The following FIGNL2 variants were observed in gnomAD, a reference collection of about 807,000 sequenced individuals.
FIGNL2 encodes the protein fidgetin-like protein 2.
For missense variants in FIGNL2, 1,060 were observed against 950.2 expected (o/e 1.12, Z -1.52); for synonymous variants, 565 against 484.0 (o/e 1.17, Z -2.20).
At chr12:51,828,061 C>G (rs2138982276) in intron 1 of FIGNL2, among the ~76,000 whole-genome samples, 1 of 152,314 alleles carries the variant, frequency 6.6e-6, no homozygotes, top group Non-Finnish European at 1.5e-5. Flanking sequence ...TCATTCCACG[C>G]TGCACACCTA....
At position 51,820,212 on chromosome 12, in the gene FIGNL2, C is replaced by T. The variant is rs551959785; in HGVS notation, c.*240G>A. 5.7e-4 allele frequency: 306 copies of T among 535,590 alleles called. 4 individuals carry two copies. The South Asian group carries it at 5.7e-3, about 10-fold the overall frequency. 33.2% of individuals were successfully genotyped at this position (535,590 alleles called of 1,614,324 possible). A position where few individuals can be genotyped will look rare whatever the true frequency, so the allele number is the denominator to read the frequency against. ...TGCCCGGTCTGCCGGGCGGAGATGG[C>T]GAGCTTCCAGTCCACAATAAATAGG... On this transcript the variant is annotated 3_prime_UTR_variant, in exon 2 of 2. Transcript: ENST00000618634.
chr12:51,847,633 C>A, intron 1 of FIGNL2: 6 of 985,352 alleles, frequency 6.1e-6, no homozygotes, highest in Non-Finnish European at 7.2e-6. Flanking sequence ...GCGCTCTCTG[C>A]CCCGCGCAGA....
chr12:51,840,327 G>A (rs1939639794), intron 1 of FIGNL2, among the ~76,000 whole-genome samples: 1 of 152,244 alleles, frequency 6.6e-6, no homozygotes, highest in African/African-American at 2.4e-5. Context: ...GATGAGGCCA[G>A]AGCTCTTCAC....
chr12:51,821,385 C>A lies in FIGNL2; in HGVS notation c.1029G>T (p.Glu343Asp), dbSNP rs371771212. ...CCCGCTCCGGGAACTTTTCAAAGGG[C>A]TCCAGTTGCGGGCCGTAGACGGGGG... ...LGSPVYGPQLEPFEKFPERAP... is the reference protein window; with the variant it reads ...LGSPVYGPQLDPFEKFPERAP... The change falls in exon 2 of 2, where the codon GAG (glutamate) becomes GAT (aspartate). Residue 343 changes from glutamate to aspartate, a missense_variant. Coordinates refer to ENST00000618634, the MANE Select transcript of FIGNL2 (RefSeq NM_001384995.1). 3 of 1,517,926 alleles carry A rather than the reference C, an allele frequency of 2.0e-6. No individual in the cohort carries two copies. The highest frequency in any genetic ancestry group is 2.6e-6 in the Non-Finnish European group (3 of 1,135,438). The allele number at this position is 1,517,926 out of a possible 1,614,324, so 94.0% of individuals were successfully genotyped here.
chr12:51,823,954 G>C (rs551051753), intron 1 of FIGNL2, among the ~76,000 whole-genome samples: 1 of 150,912 alleles, frequency 6.6e-6, no homozygotes, highest in Admixed American at 6.6e-5. Context: ...TGGTGCCTTT[G>C]CTGGACCATG....
At chr12:51,841,820 A>G (rs1939666056) in intron 1 of FIGNL2, 1 of 152,240 alleles carries the variant, frequency 6.6e-6, no homozygotes, top group Non-Finnish European at 1.5e-5. Context: ...TGAAGACCAG[A>G]TCTCTGCACG....
At chr12:51,837,593 C>G (rs1353471417) in intron 1 of FIGNL2, among the ~76,000 whole-genome samples, 1 of 152,186 alleles carries the variant, frequency 6.6e-6, no homozygotes, top group African/African-American at 2.4e-5. Context: ...ACTTTTCCAG[C>G]TCTCCTCTCC....
Position 51,834,202 on chromosome 12 carries a change from A to C in FIGNL2, c.-11-11778T>G, listed in dbSNP as rs193267786. 2.7e-5 allele frequency among the ~76,000 whole-genome samples: 4 copies of C among 148,394 alleles called. No individual in the cohort carries two copies. The East Asian group carries it at 7.9e-4, about 29-fold the overall frequency. ...ATAAAGAAAGCAATCAGGGTGACTA[A>C]ATTTGAGTGTACATGTGATGGTGAG... On this transcript the variant is annotated intron_variant, in intron 1 of 1. Coordinates refer to ENST00000618634, the MANE Select transcript of FIGNL2 (RefSeq NM_001384995.1).
chr12:51,821,286 C>T lies in FIGNL2; in HGVS notation c.1128G>A (p.Glu376=), dbSNP rs1939180546. 6 of 1,524,090 alleles carry T rather than the reference C, an allele frequency of 3.9e-6. No individual in the cohort carries two copies. Among genetic ancestry groups the T allele is most frequent in the Non-Finnish European group, 5.3e-6 (6 of 1,141,500 alleles). 94.4% of individuals were successfully genotyped at this position (1,524,090 alleles called of 1,614,324 possible). A position where few individuals can be genotyped will look rare whatever the true frequency, so the allele number is the denominator to read the frequency against. ...TPKGVDPGAL[E]LVTSKMVDCG... ...AGTCCACCATCTTGCTCGTCACCAG[C>T]TCCAGGGCCCCAGGGTCCACGCCTT... Residue 376 remains glutamate (E), a synonymous_variant, in exon 2 of 2, where the codon GAG becomes GAA. Transcript: ENST00000618634.
rs1939209694 is a variant in FIGNL2, at chr12:51,821,810, G to C, written c.604C>G (p.Leu202Val). Reference sequence around the variant, plus strand: ...TAGCCCCCTGCGGGATAGTTGTACAGCGGCGCTGAGGGCCCGTACCCCGGA... The same window carrying C: ...TAGCCCCCTGCGGGATAGTTGTACACCGGCGCTGAGGGCCCGTACCCCGGA... ...PPPGYGPSAP[L>V]YNYPAGGYAA... Residue 202 changes from leucine (L) to valine (V), a missense_variant, in exon 2 of 2, where the codon CTG (leucine) becomes GTG (valine). Transcript: ENST00000618634. 14 of 1,275,334 alleles carry C rather than the reference G, an allele frequency of 1.1e-5. No individual in the cohort carries two copies. Among genetic ancestry groups the C allele is most frequent in the Non-Finnish European group, 1.4e-5 (14 of 1,016,160 alleles). The allele number at this position is 1,275,334 out of a possible 1,614,324, so 79.0% of individuals were successfully genotyped here. A position where few individuals can be genotyped will look rare whatever the true frequency, so the allele number is the denominator to read the frequency against.
chr12:51,848,409 C>T (rs551276921), intron 1 of FIGNL2, 131 bp downstream of exon 1: 10,994 of 983,782 alleles, frequency 0.011, 64 homozygotes, highest in Non-Finnish European at 0.012. Flanking sequence ...CCCCGCCGAG[C>T]TGAACCCCGC....
intron 1 of FIGNL2, chr12:51,848,196 T>C: frequency 1.0e-6 from 1 of 983,972 alleles, no homozygotes; most frequent in Non-Finnish European, 1.2e-6. Flanking sequence ...CCCGCAAACC[T>C]TGGCTCCCCA....
At chr12:51,822,556 C>G in intron 1 of FIGNL2, 132 bp from the exon 2 acceptor site, 1 of 971,420 alleles carries the variant, frequency 1.0e-6, no homozygotes, top group Non-Finnish European at 1.6e-6. Flanking sequence ...CACCTACCGC[C>G]CCACTCTCTT....
chr12:51,821,212 T>C lies in FIGNL2; in HGVS notation c.1202A>G (p.Lys401Arg). The C allele has an allele frequency of 6.6e-7, 1 of 1,520,866 alleles. No homozygotes were observed. Among genetic ancestry groups the C allele is most frequent in the East Asian group, 2.6e-5 (1 of 38,558 alleles). 94.2% of individuals were successfully genotyped at this position (1,520,866 alleles called of 1,614,324 possible). ...WADVAGQGAL[K>R]AALEEELVWP... ...CACCAGCTCCTCCTCCAGCGCCGCC[T>C]TGAGCGCGCCCTGGCCCGCCACATC... The change falls in exon 2 of 2, where the codon AAG (lysine) becomes AGG (arginine). Residue 401 changes from lysine (K) to arginine (R), a missense_variant. Transcript: ENST00000618634.
chr12:51,830,912 G>C (rs1330785497), intron 1 of FIGNL2, among the ~76,000 whole-genome samples: 1 of 152,172 alleles, frequency 6.6e-6, no homozygotes, highest in Non-Finnish European at 1.5e-5. Context: ...CTCCTTAGCA[G>C]TTGGGACCAC....
rs769092978 is a variant in FIGNL2, at chr12:51,820,876, G to T, written c.1538C>A (p.Pro513Gln). The T allele has an allele frequency of 3.6e-6, 5 of 1,375,406 alleles. No individual in the cohort carries two copies. In the African/African-American group the frequency reaches 6.1e-5, roughly 17 times the overall value. 85.2% of individuals were successfully genotyped at this position (1,375,406 alleles called of 1,614,324 possible). A position where few individuals can be genotyped will look rare whatever the true frequency, so the allele number is the denominator to read the frequency against. The change falls in exon 2 of 2, where the codon CCG becomes CAG. Residue 513 changes from proline to glutamine, a missense_variant. Transcript: ENST00000618634. Reference protein sequence around the residue: ...GAAAGGALQVPLLACLDGGCG... With the variant: ...GAAAGGALQVQLLACLDGGCG... The stretch of plus-strand genomic sequence containing the variant: ...GCCCCCGTCCAGGCAGGCCAGGAGC[G>T]GCACCTGCAGCGCGCCCCCTGCCGC...
In FIGNL2 at chr12:51,820,659, C is replaced by T. The variant is rs1327617740; in HGVS notation, c.1755G>A (p.Ala585=). ...GCALSERELA[A]LVQGTQGFSG... is the part of the protein sequence containing the mutation. ...AGAAGCCCTGCGTGCCCTGCACCAG[C>T]GCCGCCAGTTCCCGCTCACTGAGCG... The change falls in exon 2 of 2, where the codon GCG becomes GCA. Residue 585 remains alanine (A), a synonymous_variant. Transcript: ENST00000618634. The T allele has an allele frequency of 6.6e-7, 1 of 1,515,974 alleles. No individual in the cohort carries two copies. 93.9% of individuals were successfully genotyped at this position (1,515,974 alleles called of 1,614,324 possible). A position where few individuals can be genotyped will look rare whatever the true frequency, so the allele number is the denominator to read the frequency against.
chr12:51,826,868 G>A (rs750863980), intron 1 of FIGNL2, among the ~76,000 whole-genome samples: 1 of 151,340 alleles, frequency 6.6e-6, no homozygotes, highest in African/African-American at 2.5e-5. Flanking sequence ...TGTCTCACGT[G>A]AGTCTGAATA....
intron 1 of FIGNL2, among the ~76,000 whole-genome samples, chr12:51,826,267 C>T (rs1407386626): frequency 6.6e-6 from 1 of 152,044 alleles, no homozygotes; most frequent in Admixed American, 6.6e-5. Flanking sequence ...CCCTTTTTCC[C>T]TTCTTCCTTC....
Sources: gnomAD v4.1 joint callset for allele counts (sites outside exome capture counted in the v4.1 genomes callset) on GRCh38, gnomAD v4.1.1 for gene constraint, MANE v1.5 for transcripts, NCBI Gene and HGNC (gene_info 2026-07-23, HGNC 2026-07-21) for gene names.